The following OTOGL variants were observed in gnomAD, a reference collection of about 807,000 sequenced individuals.
OTOGL encodes the protein otogelin-like protein.
Under a neutral mutation model 318.5 loss-of-function variants are expected in OTOGL, and 285 were observed. That is an observed-to-expected ratio of 0.89 (90% CI 0.81 to 0.99). The LOEUF (loss-of-function observed/expected upper bound fraction) is 0.99. Ranked by LOEUF, OTOGL falls within the 50% of genes least tolerant of loss-of-function variation. The pLI, the probability that OTOGL is intolerant of heterozygous loss-of-function variation, is 0.00. For synonymous variants in OTOGL, 987 were observed against 936.5 expected (o/e 1.05, Z -0.99); for missense variants, 2,899 against 2,845.6 (o/e 1.02, Z -0.43).
intron 26 of OTOGL, among the ~76,000 whole-genome samples, chr12:80,288,596 T>A (rs1198736929): frequency 6.6e-6 from 1 of 151,828 alleles, no homozygotes; most frequent in Non-Finnish European, 1.5e-5. Flanking sequence ...TTGTTCCTTT[T>A]CATTCTGTTT....
chr12:80,185,816 T>A (rs1242084466), intron 1 of OTOGL, among the ~76,000 whole-genome samples: 1 of 152,230 alleles, frequency 6.6e-6, no homozygotes, highest in Admixed American at 6.5e-5. Context: ...AAAGTCTATA[T>A]AGAAAAATGT....
intron 13 of OTOGL, among the ~76,000 whole-genome samples, chr12:80,252,692 A>G (rs1189602193): frequency 6.6e-6 from 1 of 152,192 alleles, no homozygotes; most frequent in South Asian, 2.1e-4. Context: ...AACCCTTTTT[A>G]TTTTTACAGA....
intron 1 of OTOGL, among the ~76,000 whole-genome samples, chr12:80,149,481 C>G (rs1872629092): frequency 6.6e-6 from 1 of 152,176 alleles, no homozygotes; most frequent in African/African-American, 2.4e-5. Context: ...AGCTGTCAGA[C>G]AGGGACATTT....
In OTOGL at chr12:80,342,076, A is replaced by C; in HGVS notation, c.5179A>C (p.Arg1727=). 6.2e-7 allele frequency: 1 copy of C among 1,607,450 alleles called. No homozygotes were observed. The highest frequency in any genetic ancestry group is 8.5e-7 in the Non-Finnish European group (1 of 1,176,316). Residue 1727 remains arginine, a synonymous_variant, in exon 44 of 59, where the codon AGA becomes CGA. Transcript: ENST00000547103. ...IEKSFEVTMR[R]PVRNCTEHDC... The stretch of plus-strand genomic sequence containing the variant: ...GAAATCATTTGAAGTAACAATGAGA[A>C]GACCTGTTAGGAATTGTACTGAGCA...
At chr12:80,168,325 G>A (rs895466471) in intron 1 of OTOGL, among the ~76,000 whole-genome samples, 2 of 152,044 alleles carry the variant, frequency 1.3e-5, no homozygotes, top group Non-Finnish European at 2.9e-5. Flanking sequence ...TGTTTACCTA[G>A]CAACATTCTT....
chr12:80,269,224 G>A (rs1423070993), intron 22 of OTOGL, among the ~76,000 whole-genome samples: 2 of 152,128 alleles, frequency 1.3e-5, no homozygotes, highest in East Asian at 3.8e-4. Flanking sequence ...CTTAAATATA[G>A]AACATATGAT....
intron 26 of OTOGL, among the ~76,000 whole-genome samples, chr12:80,285,394 GT>G (rs1230366377): frequency 6.6e-6 from 1 of 152,104 alleles, no homozygotes; most frequent in Middle Eastern, 3.2e-3. Flanking sequence ...ATTTAAAGTA[GT>G]TTTTTCTAAT....
chr12:80,361,990 T>A (rs1235995857), intron 52 of OTOGL, among the ~76,000 whole-genome samples: 1 of 152,194 alleles, frequency 6.6e-6, no homozygotes, highest in Non-Finnish European at 1.5e-5. Context: ...CTTGCTATAC[T>A]CCCATTTGTC....
At chr12:80,149,891 A>G (rs1484133788) in intron 1 of OTOGL, among the ~76,000 whole-genome samples, 1 of 152,160 alleles carries the variant, frequency 6.6e-6, no homozygotes, top group Non-Finnish European at 1.5e-5. Flanking sequence ...CGAGTGAGGC[A>G]ATGCCTCACC....
At chr12:80,313,767 C>T in intron 31 of OTOGL, 135 bp downstream of exon 31, 1 of 671,342 alleles carries the variant, frequency 1.5e-6, no homozygotes, top group Non-Finnish European at 2.3e-6. Flanking sequence ...ATTTTATATT[C>T]CTTTGACAAT....
At chr12:80,344,328 T>C (rs1479742296) in intron 44 of OTOGL, among the ~76,000 whole-genome samples, 1 of 152,162 alleles carries the variant, frequency 6.6e-6, no homozygotes, top group Non-Finnish European at 1.5e-5. Context: ...AATGAAGCAA[T>C]ACAGGATACC....
intron 26 of OTOGL, among the ~76,000 whole-genome samples, chr12:80,293,494 G>A (rs189297219): frequency 2.2e-4 from 33 of 151,170 alleles, no homozygotes; most frequent in Middle Eastern, 6.8e-3. Context: ...GCCCCAGGCA[G>A]CAGAGTCATG....
chr12:80,259,408 T>C (rs1289294994), intron 18 of OTOGL, among the ~76,000 whole-genome samples: 1 of 152,022 alleles, frequency 6.6e-6, no homozygotes, highest in East Asian at 1.9e-4. Flanking sequence ...ATACATATGC[T>C]GAATGTGCAG....
intron 30 of OTOGL, 116 bp downstream of exon 30, chr12:80,310,843 A>G (rs1157280402): frequency 2.7e-6 from 2 of 736,724 alleles, no homozygotes; most frequent in African/African-American, 3.6e-5. Flanking sequence ...TATACCACCT[A>G]ACTATTGTTA....
In OTOGL at chr12:80,343,509, G is replaced by GGTTTTTTTTTT; in HGVS notation, c.5265+1347_5265+1348insGTTTTTTTTTT. On this transcript the variant is annotated intron_variant, in intron 44 of 58. Transcript: ENST00000547103. The stretch of plus-strand genomic sequence containing the variant: ...TACATTTTTATTATTTTTTATTCTT[G>GGTTTTTTTTTT]TTTTTTTTTTTTTTTTTTTTTTTTT... 7.0e-4 allele frequency: 25 copies of GGTTTTTTTTTT among 35,862 alleles called. 8 individuals carry two copies. The highest frequency in any genetic ancestry group is 1.0e-3 in the Non-Finnish European group (20 of 19,836). The allele number at this position is 35,862 out of a possible 1,614,324, so 2.2% of individuals were successfully genotyped here. A position where few individuals can be genotyped will look rare whatever the true frequency, so the allele number is the denominator to read the frequency against.
chr12:80,235,827 C>T (rs1879797873), intron 9 of OTOGL, among the ~76,000 whole-genome samples: 1 of 152,144 alleles, frequency 6.6e-6, no homozygotes, highest in South Asian at 2.1e-4. Flanking sequence ...ATGTTATTTG[C>T]TTCACAGTAT....
At chr12:80,131,947 G>T (rs1446817065) in intron 1 of OTOGL, 1 of 152,200 alleles carries the variant, frequency 6.6e-6, no homozygotes, top group Non-Finnish European at 1.5e-5. Flanking sequence ...AATAGAGTTT[G>T]TAAGAACATA....
chr12:80,125,249 G>A (rs1435636683), intron 1 of OTOGL, among the ~76,000 whole-genome samples: 4 of 152,102 alleles, frequency 2.6e-5, no homozygotes, highest in Admixed American at 2.6e-4. Flanking sequence ...TAGCATGAAG[G>A]GTTGTTGAAT....
chr12:80,181,901 C>T (rs1356621052), intron 1 of OTOGL, among the ~76,000 whole-genome samples: 1 of 152,136 alleles, frequency 6.6e-6, no homozygotes, highest in Non-Finnish European at 1.5e-5. Flanking sequence ...TGGTGGCTTA[C>T]ATCTGTAATC....
Sources: gnomAD v4.1 joint callset for allele counts (sites outside exome capture counted in the v4.1 genomes callset) on GRCh38, gnomAD v4.1.1 for gene constraint, MANE v1.5 for transcripts, NCBI Gene and HGNC (gene_info 2026-07-23, HGNC 2026-07-21) for gene names.